GNA13: variants seen among roughly 807,000 people sequenced by gnomAD.
GNA13 encodes the protein G protein subunit alpha 13, also known as guanine nucleotide-binding protein subunit alpha-13.
GNA13 carries 4 observed loss-of-function variants against 33.5 expected under a neutral mutation model. That is an observed-to-expected ratio of 0.12 (90% CI 0.06 to 0.27). The LOEUF (loss-of-function observed/expected upper bound fraction) is 0.27. Ranked by LOEUF, GNA13 falls within the 10% of genes least tolerant of loss-of-function variation. The pLI is 1.00. For synonymous variants in GNA13, 176 were observed against 183.8 expected (o/e 0.96, Z 0.34); for missense variants, 319 against 487.2 (o/e 0.65, Z 3.25).
intron 2 of GNA13, among the ~76,000 whole-genome samples, chr17:65,039,497 CCTCACTCA>C (rs1371690685): frequency 6.6e-6 from 1 of 152,194 alleles, no homozygotes; most frequent in Non-Finnish European, 1.5e-5. Context: ...CTCAGTTCTC[CCTCACTCA>C]CTCCTCCACC....
At chr17:65,044,920 G>A (rs1907602733) in intron 2 of GNA13, among the ~76,000 whole-genome samples, 1 of 151,612 alleles carries the variant, frequency 6.6e-6, no homozygotes, top group African/African-American at 2.4e-5. Flanking sequence ...GCCCATACCT[G>A]TAATCCCAGG....
In GNA13 at chr17:65,034,094, T is replaced by A. The variant is rs552435015; in HGVS notation, c.511-15791A>T. Among the ~76,000 whole-genome samples, 8 of 149,092 alleles carry A rather than the reference T, an allele frequency of 5.4e-5. No homozygotes were observed. In the South Asian group the frequency reaches 1.7e-3, roughly 31 times the overall value. ...CATAAACCATTTCAATATTTGAAAA[T>A]TTCTTTTTCAAACTAAGTATCTTTC... On this transcript the variant is annotated intron_variant, in intron 2 of 3. Coordinates refer to ENST00000439174, the MANE Select transcript of GNA13 (RefSeq NM_006572.6).
chr17:65,043,884 G>A (rs1433417756), intron 2 of GNA13, among the ~76,000 whole-genome samples: 1 of 152,134 alleles, frequency 6.6e-6, no homozygotes, highest in African/African-American at 2.4e-5. Context: ...CACTGCAGGA[G>A]GCCAAGATGG....
intron 1 of GNA13, 45 bp downstream of exon 1, chr17:65,056,266 A>G: frequency 5.6e-6 from 2 of 358,608 alleles, no homozygotes; most frequent in South Asian, 2.5e-5. Context: ...CCGCCGCCCC[A>G]GCCCCCCTGC....
Position 65,012,317 on chromosome 17 carries a change from T to G in GNA13, c.*1940A>C, listed in dbSNP as rs1275605066. The G allele has an allele frequency of 4.5e-6, 1 of 223,848 alleles. No individual in the cohort carries two copies. Among genetic ancestry groups the G allele is most frequent in the Non-Finnish European group, 8.9e-6 (1 of 112,294 alleles). The allele number at this position is 223,848 out of a possible 1,614,324, so 13.9% of individuals were successfully genotyped here. ...ATTTGCTAAATGTATGGGTAAACTC[T>G]CCAATGAATAGTCCAAATGTTACTG... On this transcript the variant is annotated 3_prime_UTR_variant, in exon 4 of 4. Coordinates refer to ENST00000439174, the MANE Select transcript of GNA13 (RefSeq NM_006572.6).
chr17:65,056,024 A>G (rs1908039436), intron 1 of GNA13, among the ~76,000 whole-genome samples: 1 of 151,934 alleles, frequency 6.6e-6, no homozygotes, highest in African/African-American at 2.4e-5. Context: ...TCCCTCTCGC[A>G]GGGGGAGAGA....
At chr17:65,041,286 C>T (rs1401958335) in intron 2 of GNA13, among the ~76,000 whole-genome samples, 1 of 152,068 alleles carries the variant, frequency 6.6e-6, no homozygotes, top group Non-Finnish European at 1.5e-5. Flanking sequence ...TCAAAGAACC[C>T]AATGACATTG....
At chr17:65,037,795 A>AAAAAAAAAAAAAAAAAAAAAC (rs1567824035) in intron 2 of GNA13, among the ~76,000 whole-genome samples, 3 of 150,078 alleles carry the variant, frequency 2.0e-5, no homozygotes, top group East Asian at 1.9e-4. Context: ...AAAAAAAAAA[A>AAAAAAAAAAAAAAAAAAAAAC]AAAAAGACAA....
chr17:65,054,190 C>T (rs956886194), intron 1 of GNA13, among the ~76,000 whole-genome samples: 8 of 152,210 alleles, frequency 5.3e-5, no homozygotes, highest in East Asian at 3.8e-4. Context: ...TTTGTTGCTT[C>T]GGCACCCTAA....
chr17:65,028,082 C>T (rs949389901), intron 2 of GNA13, among the ~76,000 whole-genome samples: 3 of 152,120 alleles, frequency 2.0e-5, no homozygotes, highest in Non-Finnish European at 2.9e-5. Context: ...AAAAATCAGC[C>T]GGGCGCGGTG....
intron 1 of GNA13, chr17:65,055,771 T>C (rs1399424772): frequency 2.0e-6 from 2 of 985,162 alleles, no homozygotes; most frequent in African/African-American, 3.5e-5. Flanking sequence ...AAAGTTCCCT[T>C]ATTGCGACGG....
intron 1 of GNA13, chr17:65,055,893 G>T: frequency 3.8e-6 from 1 of 259,912 alleles, no homozygotes. Flanking sequence ...GGCCCACATC[G>T]CCCGAGCAGG....
intron 2 of GNA13, among the ~76,000 whole-genome samples, chr17:65,020,076 T>C (rs979819537): frequency 3.3e-5 from 5 of 152,232 alleles, no homozygotes; most frequent in Non-Finnish European, 7.3e-5. Context: ...TCTTTTTGTG[T>C]TTAGTGTCCT....
intron 1 of GNA13, among the ~76,000 whole-genome samples, chr17:65,054,969 C>T (rs1170756931): frequency 1.4e-5 from 2 of 145,960 alleles, no homozygotes; most frequent in African/African-American, 2.5e-5. Flanking sequence ...TGGCTGTGGT[C>T]TAGTGATTCT....
At chr17:65,037,803 C>CA (rs1247001720) in intron 2 of GNA13, among the ~76,000 whole-genome samples, 2 of 46,204 alleles carry the variant, frequency 4.3e-5, no homozygotes, top group South Asian at 7.3e-4. Context: ...AAAAAAAAGA[C>CA]AAAAAGACTC....
chr17:65,036,590 C>G (rs1000483111), intron 2 of GNA13, among the ~76,000 whole-genome samples: 1 of 152,236 alleles, frequency 6.6e-6, no homozygotes, highest in African/African-American at 2.4e-5. Flanking sequence ...CCTGTAGTCC[C>G]AGCTACTCAG....
intron 2 of GNA13, among the ~76,000 whole-genome samples, chr17:65,027,057 C>T (rs1188548267): frequency 6.6e-6 from 1 of 152,152 alleles, no homozygotes; most frequent in Non-Finnish European, 1.5e-5. Flanking sequence ...GGATTACAGG[C>T]GTGAGCCACC....
intron 1 of GNA13, chr17:65,055,598 C>A (rs1908017375): frequency 1.0e-6 from 1 of 985,294 alleles, no homozygotes; most frequent in East Asian, 1.1e-4. Flanking sequence ...CCTACCTGAC[C>A]GTGACACTGG....
chr17:65,050,205 G>A (rs142938551), intron 2 of GNA13, among the ~76,000 whole-genome samples: 1 of 152,158 alleles, frequency 6.6e-6, no homozygotes, highest in Non-Finnish European at 1.5e-5. Context: ...CAAAATAGAG[G>A]AAAGGAGGGA....
Sources: allele counts gnomAD v4.1 joint callset (sites outside exome capture counted in the v4.1 genomes callset), GRCh38; gene constraint gnomAD v4.1.1; transcripts MANE v1.5; gene names NCBI Gene and HGNC (gene_info 2026-07-23, HGNC 2026-07-21).